The following USP43 variants were observed in gnomAD, a reference collection of about 807,000 sequenced individuals.
The protein encoded by USP43 is ubiquitin specific peptidase 43.
USP43 carries 33 observed loss-of-function variants against 90.7 expected under a neutral mutation model. The observed-to-expected ratio is 0.36, with a 90% CI of 0.28 to 0.49. The LOEUF (loss-of-function observed/expected upper bound fraction) is 0.49. Ranked by LOEUF, USP43 falls within the 20% of genes least tolerant of loss-of-function variation. The pLI, the probability that USP43 is intolerant of heterozygous loss-of-function variation, is 0.98. For synonymous variants in USP43, 598 were observed against 615.8 expected, an observed-to-expected ratio of 0.97 and a Z score of 0.43; for missense variants, 1,274 against 1,476.4, an observed-to-expected ratio of 0.86 and a Z score of 2.25.
intron 14 of USP43, among the ~76,000 whole-genome samples, chr17:9,714,795 T>C (rs909503915): frequency 6.7e-6 from 1 of 148,828 alleles, no homozygotes; most frequent in African/African-American, 2.5e-5. Context: ...GAGCAGCCAG[T>C]GAGGGGAAGA....
intron 14 of USP43, 58 bp from the exon 15 acceptor site, chr17:9,727,896 G>T: frequency 1.3e-6 from 2 of 1,535,872 alleles, no homozygotes; most frequent in South Asian, 2.5e-5. Flanking sequence ...AACGTTAGAT[G>T]ACTGGCATTT....
intron 1 of USP43, among the ~76,000 whole-genome samples, chr17:9,648,654 C>T (rs914650277): frequency 1.3e-5 from 2 of 152,050 alleles, no homozygotes; most frequent in African/African-American, 2.4e-5. Context: ...CAATGAAGGG[C>T]TTGGGAAGAT....
intron 14 of USP43, among the ~76,000 whole-genome samples, chr17:9,724,962 G>C (rs1917183999): frequency 6.6e-6 from 1 of 152,102 alleles, no homozygotes; most frequent in Admixed American, 6.5e-5. Context: ...ATGGCACCAA[G>C]AGGTCCCCAG....
intron 1 of USP43, among the ~76,000 whole-genome samples, chr17:9,646,352 T>TG (rs1365078975): frequency 1.3e-5 from 2 of 151,934 alleles, no homozygotes; most frequent in Non-Finnish European, 2.9e-5. Flanking sequence ...TGAGAGGGAG[T>TG]GGGGTGAGCT....
intron 9 of USP43, among the ~76,000 whole-genome samples, chr17:9,695,853 A>G (rs1474309792): frequency 2.0e-5 from 3 of 152,194 alleles, no homozygotes; most frequent in Non-Finnish European, 4.4e-5. Flanking sequence ...TAGATGCCTC[A>G]GGTAACAGGA....
In USP43 at chr17:9,691,540, A is replaced by G. The variant is rs769555435; in HGVS notation, c.1354-1587A>G. Reference sequence around the variant, plus strand: ...ACTTGTGAATCATGCTGCCGTGAACATTGGTGTATAAATATCTGTTCAAGC... The same window carrying G: ...ACTTGTGAATCATGCTGCCGTGAACGTTGGTGTATAAATATCTGTTCAAGC... On this transcript the variant is annotated intron_variant, in intron 8 of 14. Coordinates refer to ENST00000285199, the MANE Select transcript of USP43 (RefSeq NM_153210.5). 9.9e-5 allele frequency among the ~76,000 whole-genome samples: 15 copies of G among 152,246 alleles called. No homozygotes were observed. The South Asian group carries it at 1.2e-3, about 13-fold the overall frequency.
intron 2 of USP43, among the ~76,000 whole-genome samples, chr17:9,656,999 G>A (rs1223557810): frequency 6.6e-6 from 1 of 152,136 alleles, no homozygotes; most frequent in Non-Finnish European, 1.5e-5. Context: ...AGCATCCCCA[G>A]GTTTTGATGG....
intron 6 of USP43, among the ~76,000 whole-genome samples, chr17:9,681,701 C>T (rs912093824): frequency 2.0e-5 from 3 of 151,134 alleles, no homozygotes; most frequent in Admixed American, 1.3e-4. Flanking sequence ...ACCATGTTGG[C>T]CAGGCTGGTC....
rs541828573 is a variant in USP43, at chr17:9,707,859, A to G, written c.2012-2097A>G. On this transcript the variant is annotated intron_variant, in intron 12 of 14. Coordinates refer to ENST00000285199, the MANE Select transcript of USP43 (RefSeq NM_153210.5). ...CCAGGTCCTGGAGCTTCAGTGATGA[A>G]CAAGACAAATACAAGGCCTGCCCTC... Among the ~76,000 whole-genome samples the G allele has an allele frequency of 1.8e-3, 273 of 152,294 alleles. 3 individuals carry two copies. The highest frequency in any genetic ancestry group is 6.4e-3 in the African/African-American group (267 of 41,562).
At chr17:9,655,819 A>G in intron 1 of USP43, among the ~76,000 whole-genome samples, 1 of 152,256 alleles carries the variant, frequency 6.6e-6, no homozygotes, top group East Asian at 1.9e-4. Flanking sequence ...ACAAGTTTGT[A>G]TCCTTAAATT....
intron 5 of USP43, among the ~76,000 whole-genome samples, chr17:9,678,635 C>T (rs7210230): frequency 0.02 from 2,996 of 151,778 alleles, 87 homozygotes; most frequent in African/African-American, 0.068. Flanking sequence ...CCACTGCGCC[C>T]GGCCTGTATT....
chr17:9,663,343 G>A (rs1166445119), intron 2 of USP43, among the ~76,000 whole-genome samples: 2 of 151,356 alleles, frequency 1.3e-5, no homozygotes, highest in Non-Finnish European at 2.9e-5. Context: ...TGTCACCCAG[G>A]CTGGAATGCA....
chr17:9,668,675 C>G (rs1004862463), intron 3 of USP43, among the ~76,000 whole-genome samples: 2 of 152,146 alleles, frequency 1.3e-5, no homozygotes, highest in African/African-American at 4.8e-5. Context: ...GAGGATCTCA[C>G]CTCTATGAGC....
chr17:9,692,337 C>T (rs368522257), intron 8 of USP43, among the ~76,000 whole-genome samples: 5 of 152,206 alleles, frequency 3.3e-5, no homozygotes, highest in East Asian at 3.9e-4. Flanking sequence ...CCAGCCTGGG[C>T]GACAGAGTGA....
intron 14 of USP43, among the ~76,000 whole-genome samples, chr17:9,718,207 A>G (rs948940107): frequency 1.2e-4 from 18 of 152,188 alleles, no homozygotes; most frequent in Non-Finnish European, 2.2e-4. Context: ...TATTATTTAT[A>G]TCAATTAGTC....
At chr17:9,663,436 T>C (rs1157041308) in intron 2 of USP43, among the ~76,000 whole-genome samples, 1 of 151,936 alleles carries the variant, frequency 6.6e-6, no homozygotes, top group African/African-American at 2.4e-5. Context: ...TAGCTGGGAT[T>C]ACAGATGTGC....
At chr17:9,668,399 C>T (rs781458187) in intron 3 of USP43, among the ~76,000 whole-genome samples, 1 of 152,200 alleles carries the variant, frequency 6.6e-6, no homozygotes. Flanking sequence ...CGGAAACTAT[C>T]CTGATTTAGG....
chr17:9,719,994 G>A (rs1460980907), intron 14 of USP43, among the ~76,000 whole-genome samples: 5 of 152,146 alleles, frequency 3.3e-5, no homozygotes, highest in East Asian at 1.9e-4. Context: ...TTGAGCCCAA[G>A]AAGTGGAGGT....
chr17:9,702,233 G>T (rs1915617441), intron 12 of USP43, among the ~76,000 whole-genome samples: 1 of 152,090 alleles, frequency 6.6e-6, no homozygotes, highest in African/African-American at 2.4e-5. Context: ...GCTAGGCATT[G>T]TGGCTTACAC....
Sources: allele counts gnomAD v4.1 joint callset (sites outside exome capture counted in the v4.1 genomes callset), GRCh38; gene constraint gnomAD v4.1.1; transcripts MANE v1.5; gene names NCBI Gene and HGNC (gene_info 2026-07-23, HGNC 2026-07-21).